Variants in KIRREL3 observed in about 807,000 individuals in gnomAD.
KIRREL3 encodes kirre like nephrin family adhesion molecule 3.
In KIRREL3, 36 loss-of-function variants were observed where a neutral mutation model predicts 89.7. The ratio of observed to expected loss-of-function variants is 0.40; its 90% CI spans 0.31 to 0.53. The LOEUF (loss-of-function observed/expected upper bound fraction) is 0.53. Among genes scored for constraint, KIRREL3 ranks in the 20% least tolerant of loss-of-function variants. KIRREL3 has a pLI of 0.49. For missense variants in KIRREL3, 864 were observed against 1,056.6 expected (o/e 0.82, Z 2.53); for synonymous variants, 445 against 441.4 (o/e 1.01, Z -0.10).
chr11:126,646,034 G>A (rs1218858473), intron 1 of KIRREL3, among the ~76,000 whole-genome samples: 2 of 152,156 alleles, frequency 1.3e-5, no homozygotes, highest in South Asian at 2.1e-4. Flanking sequence ...CACCAGAGAC[G>A]TTTTCATGAG....
chr11:126,845,389 A>C (rs1054410231), intron 1 of KIRREL3, among the ~76,000 whole-genome samples: 1 of 152,068 alleles, frequency 6.6e-6, no homozygotes, highest in African/African-American at 2.4e-5. Flanking sequence ...ATCACTGTTT[A>C]TCTCCTCTGT....
rs1170272361 is a variant in KIRREL3, at chr11:126,558,939, A to G, written c.133+3896T>C. ...GCATTGTGTGTGTATGTGTGTGTGC[A>G]TGCTCATGTGTGTGTTGGAGATGTG... On this transcript the variant is annotated intron_variant, in intron 2 of 16. Transcript: ENST00000525144. The surrounding 1 kb of genome is among the most constrained non-coding windows in gnomAD (Gnocchi z 4.0). 1.3e-5 allele frequency among the ~76,000 whole-genome samples: 2 copies of G among 152,098 alleles called. No homozygotes were observed. The highest frequency in any genetic ancestry group is 4.8e-5 in the African/African-American group (2 of 41,420).
intron 1 of KIRREL3, among the ~76,000 whole-genome samples, chr11:126,913,638 C>A (rs1946915008): frequency 6.6e-6 from 1 of 152,218 alleles, no homozygotes; most frequent in Non-Finnish European, 1.5e-5. Flanking sequence ...TAACTCTGAC[C>A]TTCTGGTTAT....
At position 126,515,331 on chromosome 11, in the gene KIRREL3, T is replaced by A. The variant is rs536454026; in HGVS notation, c.433+5984A>T. The stretch of plus-strand genomic sequence containing the variant: ...TGGGTGAGGTGGTGCATGCCTGTGG[T>A]CTCAGCTACTCGGGAGGCTGAGGTG... On this transcript the variant is annotated intron_variant, in intron 4 of 16. Coordinates refer to ENST00000525144, the MANE Select transcript of KIRREL3 (RefSeq NM_032531.4). This position sits in a 1 kb window ranked among gnomAD's most constrained non-coding sequence, Gnocchi z 4.2. Among the ~76,000 whole-genome samples, 2 of 152,154 alleles carry A rather than the reference T, an allele frequency of 1.3e-5. No homozygotes were observed. Among genetic ancestry groups the A allele is most frequent in the Non-Finnish European group, 2.9e-5 (2 of 68,032 alleles).
rs865795728 is a variant in KIRREL3, at chr11:126,891,500, G to A, written c.55+108955C>T. 2.0e-5 allele frequency among the ~76,000 whole-genome samples: 3 copies of A among 152,278 alleles called. No individual in the cohort carries two copies. Among genetic ancestry groups the A allele is most frequent in the South Asian group, 2.1e-4 (1 of 4,816 alleles). On this transcript the variant is annotated intron_variant, in intron 1 of 16. Coordinates refer to ENST00000525144, the MANE Select transcript of KIRREL3 (RefSeq NM_032531.4). This position sits in a 1 kb window ranked among gnomAD's most constrained non-coding sequence, Gnocchi z 5.1. The stretch of plus-strand genomic sequence containing the variant: ...CTGCAAAGTGGCTGTCTTTGAGAGC[G>A]CTCCACAGTCCCTGCCATGGATGGA...
rs1958627297 is a variant in KIRREL3, at chr11:126,522,437, C to T, written c.284-973G>A. Among the ~76,000 whole-genome samples, 1 of 152,194 alleles carries T rather than the reference C, an allele frequency of 6.6e-6. No individual in the cohort carries two copies. The highest frequency in any genetic ancestry group is 2.4e-5 in the African/African-American group (1 of 41,450). On this transcript the variant is annotated intron_variant, in intron 3 of 16. Transcript: ENST00000525144. The surrounding 1 kb of genome is among the most constrained non-coding windows in gnomAD (Gnocchi z 6.0). ...GGGTCACTTTGAGTCACAGTGGACCCTGTCTAGTCATTCCTCCTGTCCCGC... is the reference window on the plus strand; with the variant it reads ...GGGTCACTTTGAGTCACAGTGGACCTTGTCTAGTCATTCCTCCTGTCCCGC...
chr11:126,590,939 C>A (rs1033458151), intron 1 of KIRREL3, among the ~76,000 whole-genome samples: 1 of 152,232 alleles, frequency 6.6e-6, no homozygotes, highest in Non-Finnish European at 1.5e-5. Flanking sequence ...AGAAAGTGAT[C>A]TGGCTGGGTG....
chr11:126,659,256 A>T (rs1229126312), intron 1 of KIRREL3, among the ~76,000 whole-genome samples: 3 of 152,222 alleles, frequency 2.0e-5, no homozygotes, highest in South Asian at 2.1e-4. Flanking sequence ...AAAGGCTGAG[A>T]TAGCTTCTCC....
rs527575822 is a variant in KIRREL3 at position 126,861,004 on chromosome 11, T to C, written c.55+139451A>G. On this transcript the variant is annotated intron_variant, in intron 1 of 16. Coordinates refer to ENST00000525144, the MANE Select transcript of KIRREL3 (RefSeq NM_032531.4). ...GCCCTCCTGCTTTATGTGTGTAGCC[T>C]TTCTCTCTGGGTTCTCTAGATTTAT... Among the ~76,000 whole-genome samples, 21 of 152,280 alleles carry C rather than the reference T, an allele frequency of 1.4e-4. No individual in the cohort carries two copies. In the South Asian group the frequency reaches 2.3e-3, roughly 17 times the overall value.
intron 1 of KIRREL3, among the ~76,000 whole-genome samples, chr11:126,922,852 C>T (rs1021019024): frequency 2.0e-5 from 3 of 152,206 alleles, no homozygotes; most frequent in Non-Finnish European, 4.4e-5. Flanking sequence ...TTCTTACCCA[C>T]TCTTCCCACA....
intron 1 of KIRREL3, among the ~76,000 whole-genome samples, chr11:126,921,989 ATCT>A (rs1947348214): frequency 1.4e-5 from 2 of 145,456 alleles, no homozygotes; most frequent in South Asian, 2.2e-4. Context: ...CTATCTATCT[ATCT>A]ATCTATCTAT....
At chr11:126,823,228 T>A (rs976069479) in intron 1 of KIRREL3, among the ~76,000 whole-genome samples, 1 of 152,206 alleles carries the variant, frequency 6.6e-6, no homozygotes. Flanking sequence ...GGTACTTTCA[T>A]ATACTTGATG....
At position 126,575,881 on chromosome 11, in the gene KIRREL3, C is replaced by A. The variant is rs1241010023; in HGVS notation, c.56-12969G>T. ...TACCCTTGCAGATGGGCATCCCCTC[C>A]TCTGGACACCACCCCCCGCCAACTG... On this transcript the variant is annotated intron_variant, in intron 1 of 16. Coordinates refer to ENST00000525144, the MANE Select transcript of KIRREL3 (RefSeq NM_032531.4). The surrounding 1 kb of genome is among the most constrained non-coding windows in gnomAD (Gnocchi z 7.0). 6.6e-6 allele frequency among the ~76,000 whole-genome samples: 1 copy of A among 152,190 alleles called. No individual in the cohort carries two copies. Among genetic ancestry groups the A allele is most frequent in the Non-Finnish European group, 1.5e-5 (1 of 68,040 alleles).
At chr11:126,992,126 T>A (rs1223721806) in intron 1 of KIRREL3, among the ~76,000 whole-genome samples, 3 of 152,142 alleles carry the variant, frequency 2.0e-5, no homozygotes. Flanking sequence ...CCAAAAGAAT[T>A]TGCCAGGCAC....
chr11:126,958,985 T>C (rs964025037), intron 1 of KIRREL3, among the ~76,000 whole-genome samples: 19 of 152,172 alleles, frequency 1.2e-4, no homozygotes, highest in Non-Finnish European at 1.6e-4. Flanking sequence ...CTTTCCTCAA[T>C]GTGGATGGGC....
At position 126,424,651 on chromosome 11, in the gene KIRREL3, G is replaced by A; in HGVS notation, c.2266C>T (p.His756Tyr). Reference sequence around the variant, plus strand: ...GAGTTCTGGGACGAGGACTGGGAGTGGTGGGAGGAGGAAGCAGAAGCCTTG... The same window carrying A: ...GAGTTCTGGGACGAGGACTGGGAGTAGTGGGAGGAGGAAGCAGAAGCCTTG... ...ASKASASSSH[H>Y]SQSSSQNSDP... Residue 756 changes from histidine (H) to tyrosine (Y), a missense_variant, in exon 17 of 17, where the codon CAC (histidine) becomes TAC (tyrosine). Coordinates refer to ENST00000525144, the MANE Select transcript of KIRREL3 (RefSeq NM_032531.4). 1 of 1,614,058 alleles carries A rather than the reference G, an allele frequency of 6.2e-7. No individual in the cohort carries two copies. Among genetic ancestry groups the A allele is most frequent in the East Asian group, 2.2e-5 (1 of 44,878 alleles).
At chr11:126,850,875 C>G (rs2134563110) in intron 1 of KIRREL3, among the ~76,000 whole-genome samples, 1 of 152,324 alleles carries the variant, frequency 6.6e-6, no homozygotes, top group East Asian at 1.9e-4. Flanking sequence ...CCCATATCCA[C>G]AGCCAGGCCA....
intron 1 of KIRREL3, among the ~76,000 whole-genome samples, chr11:126,654,570 C>T (rs1210354209): frequency 6.6e-6 from 1 of 152,000 alleles, no homozygotes; most frequent in Non-Finnish European, 1.5e-5. Flanking sequence ...AGCGCTTTTG[C>T]TTCAGATAGA....
intron 1 of KIRREL3, among the ~76,000 whole-genome samples, chr11:126,699,456 C>A (rs913471539): frequency 2.6e-5 from 4 of 152,216 alleles, no homozygotes; most frequent in Non-Finnish European, 5.9e-5. Flanking sequence ...GCTGCAGCTG[C>A]AATTTTAAAT....
Sources: allele counts gnomAD v4.1 joint callset (sites outside exome capture counted in the v4.1 genomes callset), GRCh38; gene constraint gnomAD v4.1.1; non-coding constraint Gnocchi (gnomAD v3.1); transcripts MANE v1.5; gene names NCBI Gene and HGNC (gene_info 2026-07-23, HGNC 2026-07-21).